The following CFH variants were observed in gnomAD, a reference collection of about 807,000 sequenced individuals.
CFH encodes complement factor H, also known as H factor 1 (complement).
A neutral mutation model predicts 147.3 loss-of-function variants in CFH; 53 were observed. That is an observed-to-expected ratio of 0.36 (90% CI 0.29 to 0.45). The LOEUF (loss-of-function observed/expected upper bound fraction) is 0.45. Ranked by LOEUF, CFH falls within the 20% of genes least tolerant of loss-of-function variation. The pLI, the probability that CFH is intolerant of heterozygous loss-of-function variation, is 1.00. For synonymous variants in CFH, 536 were observed against 489.4 expected, an observed-to-expected ratio of 1.10 and a Z score of -1.26; for missense variants, 1,380 against 1,498.0, an observed-to-expected ratio of 0.92 and a Z score of 1.30.
At chr1:196,699,583 T>A (rs1265297571) in intron 9 of CFH, among the ~76,000 whole-genome samples, 1 of 152,242 alleles carries the variant, frequency 6.6e-6, no homozygotes, top group Non-Finnish European at 1.5e-5. Flanking sequence ...TTGTGTCATC[T>A]AAAATTTCCT....
chr1:196,683,183 A>G (rs1667713704), intron 6 of CFH, among the ~76,000 whole-genome samples: 1 of 151,704 alleles, frequency 6.6e-6, no homozygotes, highest in African/African-American at 2.4e-5. Context: ...TTAGACAAAG[A>G]CAAGGAGAAG....
rs542470486 is a variant in CFH, at chr1:196,692,296, TC to T, written c.1336+2058del. 5 of 316,718 alleles carry T rather than the reference TC, an allele frequency of 1.6e-5. No homozygotes were observed. In the East Asian group the frequency reaches 7.1e-4, roughly 45 times the overall value. 19.6% of individuals were successfully genotyped at this position (316,718 alleles called of 1,614,324 possible). Reference sequence around the variant, plus strand: ...CCCTAATCATGACCTTTCACCCAAATCTTTTTGCTTCATCAGTCTCTTTTTT... The same window carrying T: ...CCCTAATCATGACCTTTCACCCAAATTTTTTGCTTCATCAGTCTCTTTTTT... On this transcript the variant is annotated intron_variant, in intron 9 of 21. Coordinates refer to ENST00000367429, the MANE Select transcript of CFH (RefSeq NM_000186.4).
intron 18 of CFH, chr1:196,741,118 C>T (rs1297992538): frequency 6.3e-6 from 2 of 315,780 alleles, no homozygotes; most frequent in African/African-American, 4.3e-5. Flanking sequence ...AACAATCTGC[C>T]TATAAGTACA....
chr1:196,657,288 T>C (rs1666735388), intron 1 of CFH, among the ~76,000 whole-genome samples: 2 of 152,214 alleles, frequency 1.3e-5, no homozygotes, highest in African/African-American at 4.8e-5. Context: ...ATTCTCATGT[T>C]ATTTATAAAA....
At chr1:196,729,933 C>A (rs898449965) in intron 15 of CFH, among the ~76,000 whole-genome samples, 1 of 151,874 alleles carries the variant, frequency 6.6e-6, no homozygotes, top group East Asian at 1.9e-4. Flanking sequence ...GTTGTAATAT[C>A]ACCCTTTTCA....
At chr1:196,662,558 T>C (rs1397154869) in intron 1 of CFH, among the ~76,000 whole-genome samples, 9 of 152,156 alleles carry the variant, frequency 5.9e-5, no homozygotes. Context: ...CTCTCCTTAA[T>C]GTGTATTTAT....
chr1:196,715,073 AAT>A (rs1307534200), intron 10 of CFH, among the ~76,000 whole-genome samples: 1 of 151,966 alleles, frequency 6.6e-6, no homozygotes, highest in African/African-American at 2.4e-5. Flanking sequence ...GTTTACAAAA[AAT>A]GTTAGTCCTC....
At position 196,714,635 on chromosome 1, in the gene CFH, G is replaced by GTGTATA. The variant is rs1392624278; in HGVS notation, c.1519+719_1519+720insGTATAT. On this transcript the variant is annotated intron_variant, in intron 10 of 21. Transcript: ENST00000367429. Reference sequence around the variant, plus strand: ...TGTGTGTGTGTGTATACGTATATATGTATATATATATATATATATATATAT... The same window carrying GTGTATA: ...TGTGTGTGTGTGTATACGTATATATGTGTATATATATATATATATATATATATATAT... Among the ~76,000 whole-genome samples the GTGTATA allele has an allele frequency of 9.2e-4, 23 of 24,912 alleles. 1 individual carries two copies. The highest frequency in any genetic ancestry group is 4.8e-3 in the East Asian group (6 of 1,260). 16.3% of individuals were successfully genotyped at this position (24,912 alleles called of 152,430 possible). A position where few individuals can be genotyped will look rare whatever the true frequency, so the allele number is the denominator to read the frequency against.
At chr1:196,702,052 A>G (rs988092380) in intron 9 of CFH, among the ~76,000 whole-genome samples, 24 of 152,156 alleles carry the variant, frequency 1.6e-4, no homozygotes, top group African/African-American at 5.8e-4. Flanking sequence ...AACAATGTAG[A>G]AAAAGGTAAA....
At chr1:196,700,182 C>A (rs1360308013) in intron 9 of CFH, among the ~76,000 whole-genome samples, 1 of 152,162 alleles carries the variant, frequency 6.6e-6, no homozygotes, top group Non-Finnish European at 1.5e-5. Flanking sequence ...TCCAGCCACT[C>A]CCCCTTCAAA....
At chr1:196,674,158 T>A (rs1667379280) in intron 3 of CFH, among the ~76,000 whole-genome samples, 196 bp downstream of exon 3, 1 of 152,188 alleles carries the variant, frequency 6.6e-6, no homozygotes, top group African/African-American at 2.4e-5. Context: ...AAAATTTAAA[T>A]GAAGTATAAC....
Position 196,726,900 on chromosome 1 carries a change from G to C in CFH, c.2196G>C (p.Thr732=), listed in dbSNP as rs144325643. Residue 732 remains threonine (T), a synonymous_variant, in exon 14 of 22, where the codon ACG becomes ACC. Transcript: ENST00000367429. ...CAATGATTGGACACAGATCAATTAC[G>C]TGTATTCATGGAGTATGGACCCAAC... ...SFTMIGHRSI[T]CIHGVWTQLP... is the part of the protein sequence containing the mutation. The C allele has an allele frequency of 4.3e-6, 7 of 1,613,638 alleles. No homozygotes were observed. The highest frequency in any genetic ancestry group is 5.9e-6 in the Non-Finnish European group (7 of 1,179,722).
chr1:196,710,852 C>G (rs566293765), intron 9 of CFH, among the ~76,000 whole-genome samples: 1 of 152,046 alleles, frequency 6.6e-6, no homozygotes, highest in South Asian at 2.1e-4. Context: ...TTTCATCCAT[C>G]AACGAAAAAT....
At chr1:196,677,157 T>G in intron 4 of CFH, 1 of 251,812 alleles carries the variant, frequency 4.0e-6, no homozygotes, top group Non-Finnish European at 7.8e-6. Flanking sequence ...AGGGCATAAA[T>G]GAAAATGTAT....
chr1:196,664,653 A>C (rs1450317863), intron 1 of CFH, among the ~76,000 whole-genome samples: 1 of 152,210 alleles, frequency 6.6e-6, no homozygotes, highest in Non-Finnish European at 1.5e-5. Flanking sequence ...TCACTATAAC[A>C]GAAAATATAT....
At chr1:196,693,864 C>A (rs759908157) in intron 9 of CFH, among the ~76,000 whole-genome samples, 4 of 151,710 alleles carry the variant, frequency 2.6e-5, no homozygotes, top group Non-Finnish European at 5.9e-5. Context: ...GTGAATCATG[C>A]TGTTAAGAAA....
chr1:196,690,742 G>A (rs1265987227), intron 9 of CFH, among the ~76,000 whole-genome samples: 2 of 152,140 alleles, frequency 1.3e-5, no homozygotes, highest in Non-Finnish European at 2.9e-5. Flanking sequence ...TGAGGAAGCA[G>A]TGTCTGATTT....
chr1:196,738,748 G>T (rs1652685853), intron 17 of CFH, among the ~76,000 whole-genome samples: 1 of 152,118 alleles, frequency 6.6e-6, no homozygotes, highest in African/African-American at 2.4e-5. Flanking sequence ...AGCTATTGAT[G>T]GATCTACCAT....
intron 12 of CFH, among the ~76,000 whole-genome samples, chr1:196,725,904 A>G (rs1669125901): frequency 6.6e-6 from 1 of 152,222 alleles, no homozygotes; most frequent in African/African-American, 2.4e-5. Flanking sequence ...TGAAGTTTCA[A>G]CATGGGGTTG....
Sources: allele counts gnomAD v4.1 joint callset (sites outside exome capture counted in the v4.1 genomes callset), GRCh38; gene constraint gnomAD v4.1.1; transcripts MANE v1.5; gene names NCBI Gene and HGNC (gene_info 2026-07-23, HGNC 2026-07-21).